CAMKMT: variants seen among roughly 807,000 people sequenced by gnomAD.
The protein encoded by CAMKMT is CaM KMT.
CAMKMT carries 53 observed loss-of-function variants against 48.0 expected under a neutral mutation model. The observed-to-expected ratio is 1.10, with a 90% CI of 0.89 to 1.39. CAMKMT has a LOEUF of 1.39. Ranked by LOEUF, CAMKMT falls within the 40% of genes most tolerant of loss-of-function variation. CAMKMT has a pLI of 0.00. For synonymous variants in CAMKMT, 165 were observed against 152.3 expected, an observed-to-expected ratio of 1.08 and a Z score of -0.61; for missense variants, 428 against 402.7, an observed-to-expected ratio of 1.06 and a Z score of -0.54.
intron 3 of CAMKMT, among the ~76,000 whole-genome samples, chr2:44,535,383 C>T (rs550151161): frequency 3.9e-5 from 6 of 152,162 alleles, no homozygotes; most frequent in Non-Finnish European, 7.4e-5. Context: ...CCGACTTGTT[C>T]TATGAGGCCA....
intron 3 of CAMKMT, among the ~76,000 whole-genome samples, chr2:44,517,895 A>G (rs898984905): frequency 1.3e-5 from 2 of 152,170 alleles, no homozygotes; most frequent in Non-Finnish European, 1.5e-5. Flanking sequence ...TCCTAAAGTG[A>G]ATGATGTTTT....
intron 3 of CAMKMT, among the ~76,000 whole-genome samples, chr2:44,674,488 A>G (rs902752843): frequency 2.0e-5 from 3 of 152,202 alleles, no homozygotes; most frequent in Non-Finnish European, 4.4e-5. Context: ...GATCTGAGAA[A>G]TCACTGCAAA....
intron 3 of CAMKMT, among the ~76,000 whole-genome samples, chr2:44,568,318 T>A (rs1558709033): frequency 1.3e-5 from 2 of 152,312 alleles, no homozygotes; most frequent in South Asian, 4.1e-4. Context: ...GTTGTGTCTT[T>A]TGCCTTAGTC....
intron 3 of CAMKMT, among the ~76,000 whole-genome samples, chr2:44,420,659 C>G (rs1683875889): frequency 6.6e-6 from 1 of 151,924 alleles, no homozygotes. Flanking sequence ...ACCTCCCAGA[C>G]AATATCTGCA....
At chr2:44,740,537 A>G (rs1679619462) in intron 7 of CAMKMT, among the ~76,000 whole-genome samples, 1 of 152,194 alleles carries the variant, frequency 6.6e-6, no homozygotes, top group African/African-American at 2.4e-5. Context: ...AGTGCAAAAT[A>G]ATGACCTAGG....
intron 3 of CAMKMT, among the ~76,000 whole-genome samples, chr2:44,587,099 A>AT (rs202098592): frequency 0.014 from 2,098 of 151,840 alleles, 45 homozygotes; most frequent in African/African-American, 0.048. Flanking sequence ...TGTATTCAGG[A>AT]TTTTTTTTGC....
At chr2:44,684,508 C>A (rs1676222631) in intron 3 of CAMKMT, among the ~76,000 whole-genome samples, 1 of 151,794 alleles carries the variant, frequency 6.6e-6, no homozygotes, top group South Asian at 2.1e-4. Context: ...AAAACCTAGA[C>A]AGAATCATTT....
intron 3 of CAMKMT, among the ~76,000 whole-genome samples, chr2:44,514,075 C>G (rs559375676): frequency 1.3e-5 from 2 of 149,648 alleles, no homozygotes; most frequent in African/African-American, 4.9e-5. Context: ...ACACTCTAGC[C>G]TGGGTGACAG....
intron 4 of CAMKMT, among the ~76,000 whole-genome samples, chr2:44,704,939 A>G (rs75642937): frequency 7.1e-6 from 1 of 141,698 alleles, no homozygotes; most frequent in African/African-American, 2.5e-5. Context: ...GGAATTTAGG[A>G]AAAAAAAAAA....
chr2:44,374,117 C>CAAAA (rs59922847), intron 2 of CAMKMT, among the ~76,000 whole-genome samples: 4 of 66,390 alleles, frequency 6.0e-5, no homozygotes, highest in African/African-American at 1.1e-4. Flanking sequence ...GACTCTGCCT[C>CAAAA]AAAAAAAAAA....
chr2:44,410,246 TA>T (rs1373594351), intron 3 of CAMKMT, among the ~76,000 whole-genome samples: 374 of 11,232 alleles, frequency 0.033, 34 homozygotes, highest in African/African-American at 0.11. Flanking sequence ...TATATATATA[TA>T]TTTTTTTTTT....
intron 3 of CAMKMT, among the ~76,000 whole-genome samples, chr2:44,561,083 T>G (rs1003389461): frequency 1.3e-5 from 2 of 152,228 alleles, no homozygotes; most frequent in Non-Finnish European, 2.9e-5. Flanking sequence ...ACATTCTTGT[T>G]TGTCTTCTTA....
chr2:44,468,026 G>A (rs546830672), intron 3 of CAMKMT, among the ~76,000 whole-genome samples: 1 of 152,218 alleles, frequency 6.6e-6, no homozygotes, highest in East Asian at 1.9e-4. Flanking sequence ...AAACTAAAAA[G>A]CTTTTGCACA....
intron 3 of CAMKMT, among the ~76,000 whole-genome samples, chr2:44,592,561 C>T (rs78691583): frequency 0.014 from 2,104 of 152,174 alleles, 47 homozygotes; most frequent in African/African-American, 0.048. Context: ...GCAAGACCAA[C>T]GATGCTGGCA....
At chr2:44,496,898 T>C (rs1669776409) in intron 3 of CAMKMT, among the ~76,000 whole-genome samples, 1 of 152,206 alleles carries the variant, frequency 6.6e-6, no homozygotes, top group African/African-American at 2.4e-5. Flanking sequence ...GCTGGCAGTG[T>C]TTTTTGTTGG....
At chr2:44,536,752 G>A (rs1666794617) in intron 3 of CAMKMT, among the ~76,000 whole-genome samples, 1 of 152,094 alleles carries the variant, frequency 6.6e-6, no homozygotes, top group South Asian at 2.1e-4. Flanking sequence ...CATACTACCT[G>A]ACTTTAAAGT....
At chr2:44,621,134 G>A (rs532566424) in intron 3 of CAMKMT, among the ~76,000 whole-genome samples, 4,304 of 151,544 alleles carry the variant, frequency 0.028, 176 homozygotes, top group African/African-American at 0.088. Context: ...TGGGCGTGGT[G>A]ATGGGCGCTT....
At chr2:44,656,674 G>C (rs1007244929) in intron 3 of CAMKMT, among the ~76,000 whole-genome samples, 5 of 151,886 alleles carry the variant, frequency 3.3e-5, no homozygotes, top group Non-Finnish European at 4.4e-5. Context: ...TAATTATGAT[G>C]CTAAAGGCCT....
intron 3 of CAMKMT, among the ~76,000 whole-genome samples, chr2:44,592,187 C>T (rs1364981586): frequency 2.6e-5 from 4 of 151,838 alleles, no homozygotes; most frequent in Admixed American, 2.0e-4. Flanking sequence ...ATATTGTGCA[C>T]ATGTACCCTA....
Sources: allele counts gnomAD v4.1 joint callset (sites outside exome capture counted in the v4.1 genomes callset), GRCh38; gene constraint gnomAD v4.1.1; transcripts MANE v1.5; gene names NCBI Gene and HGNC (gene_info 2026-07-23, HGNC 2026-07-21).